NAV2: variants seen among roughly 807,000 people sequenced by gnomAD.
NAV2 encodes neuron navigator 2.
NAV2 carries 54 observed loss-of-function variants against 223.2 expected under a neutral mutation model. That is an observed-to-expected ratio of 0.24 (90% CI 0.19 to 0.30). The LOEUF is 0.30. Ranked by LOEUF, NAV2 falls within the 10% of genes least tolerant of loss-of-function variation. NAV2 has a pLI of 1.00. For missense variants in NAV2, 2,806 were observed against 3,147.5 expected, an observed-to-expected ratio of 0.89 and a Z score of 2.60; for synonymous variants, 1,279 against 1,239.3, an observed-to-expected ratio of 1.03 and a Z score of -0.67.
At chr11:19,588,476 T>C (rs1190646405) in intron 1 of NAV2, among the ~76,000 whole-genome samples, 1 of 151,996 alleles carries the variant, frequency 6.6e-6, no homozygotes, top group African/African-American at 2.4e-5. Flanking sequence ...AAGCATGCTG[T>C]GATTGATTAG....
Position 20,062,344 on chromosome 11 carries a change from G to T in NAV2, c.4869G>T (p.Ser1623=). 6.2e-7 allele frequency: 1 copy of T among 1,610,780 alleles called. No individual in the cohort carries two copies. The change falls in exon 20 of 38, where the codon TCG becomes TCT. Residue 1623 remains serine, a synonymous_variant. Transcript: ENST00000349880. ...CACTCTCCTTGGTTTCCAGCACATC[G>T]TCAGTTTATTCTACAGTGAGTATAA... is the stretch of plus-strand genomic sequence containing the variant. ...GSSLSLVSST[S]SVYSTPEEKC...
intron 1 of NAV2, among the ~76,000 whole-genome samples, chr11:19,532,786 G>A (rs1310479820): frequency 1.3e-5 from 2 of 152,184 alleles, no homozygotes; most frequent in African/African-American, 2.4e-5. Context: ...CTTATGACAC[G>A]AGGCAACTTC....
intron 1 of NAV2, among the ~76,000 whole-genome samples, chr11:19,452,279 T>C (rs530514882): frequency 7.7e-4 from 118 of 152,322 alleles, no homozygotes; most frequent in African/African-American, 2.7e-3. Context: ...CAAATAGTTA[T>C]GGAAGAACTG....
intron 1 of NAV2, among the ~76,000 whole-genome samples, chr11:19,479,617 T>A (rs1416606667): frequency 6.6e-6 from 1 of 152,204 alleles, no homozygotes; most frequent in Non-Finnish European, 1.5e-5. Context: ...CCTGCCTCTA[T>A]GTTAGTTGGC....
intron 34 of NAV2, chr11:20,105,304 T>G (rs59482207): frequency 0.025 from 10,771 of 432,352 alleles, 254 homozygotes; most frequent in African/African-American, 0.074. Flanking sequence ...CCTCAGCATT[T>G]CTGTCCGTAA....
At chr11:19,838,094 A>G (rs191838853) in intron 2 of NAV2, among the ~76,000 whole-genome samples, 2 of 152,322 alleles carry the variant, frequency 1.3e-5, no homozygotes, top group East Asian at 3.9e-4. Flanking sequence ...GGAATTCTCT[A>G]TACTATTCCT....
At chr11:19,758,117 T>C (rs1286220129) in intron 1 of NAV2, among the ~76,000 whole-genome samples, 1 of 152,204 alleles carries the variant, frequency 6.6e-6, no homozygotes, top group African/African-American at 2.4e-5. Flanking sequence ...AGATGAGGAA[T>C]GTTGAGAATA....
chr11:20,086,764 G>C (rs1256144017), intron 26 of NAV2, among the ~76,000 whole-genome samples: 1 of 152,164 alleles, frequency 6.6e-6, no homozygotes. Context: ...GAGTGCAAGG[G>C]AAAGAGGAGA....
chr11:19,703,569 G>C (rs555695699), intron 1 of NAV2, among the ~76,000 whole-genome samples: 2 of 152,344 alleles, frequency 1.3e-5, no homozygotes, highest in South Asian at 4.1e-4. Context: ...GCATTGGGGG[G>C]ATTACCTGGC....
At chr11:19,448,816 A>G (rs1226977238) in intron 1 of NAV2, among the ~76,000 whole-genome samples, 1 of 152,170 alleles carries the variant, frequency 6.6e-6, no homozygotes, top group Non-Finnish European at 1.5e-5. Context: ...TCACGTAGTG[A>G]TTAGTTTGAT....
intron 1 of NAV2, among the ~76,000 whole-genome samples, chr11:19,355,953 G>T (rs943507562): frequency 6.6e-6 from 1 of 152,208 alleles, no homozygotes. Context: ...GACATGTTAG[G>T]TGAGGATGAG....
intron 1 of NAV2, among the ~76,000 whole-genome samples, chr11:19,436,549 C>T (rs1851222871): frequency 6.6e-6 from 1 of 151,830 alleles, no homozygotes; most frequent in Non-Finnish European, 1.5e-5. Context: ...GTCAATATTG[C>T]TTTGGCTATT....
rs564342614 is a variant in NAV2, at chr11:19,947,278, G to A, written c.2255+769G>A. On this transcript the variant is annotated intron_variant, in intron 9 of 37. Coordinates refer to ENST00000349880, the MANE Select transcript of NAV2 (RefSeq NM_145117.5). The stretch of plus-strand genomic sequence containing the variant: ...TGTGGGTTCCATCTCCAATAGGACC[G>A]AGGCCCAAAACAAGGGGTCCAATCT... 1.2e-4 allele frequency among the ~76,000 whole-genome samples: 18 copies of A among 152,300 alleles called. No individual in the cohort carries two copies. In the South Asian group the frequency reaches 3.3e-3, roughly 28 times the overall value.
intron 1 of NAV2, among the ~76,000 whole-genome samples, chr11:19,774,468 C>T (rs372284044): frequency 6.6e-6 from 1 of 152,348 alleles, no homozygotes; most frequent in East Asian, 1.9e-4. Flanking sequence ...TGAGCTACCG[C>T]GCTCAGCCAG....
intron 1 of NAV2, among the ~76,000 whole-genome samples, chr11:19,361,982 T>C (rs1853979038): frequency 6.6e-6 from 1 of 151,922 alleles, no homozygotes; most frequent in African/African-American, 2.4e-5. Flanking sequence ...ATTAGGGGGA[T>C]AAGGTAGAGG....
intron 1 of NAV2, among the ~76,000 whole-genome samples, chr11:19,369,051 C>G (rs555702757): frequency 6.6e-6 from 1 of 152,308 alleles, no homozygotes; most frequent in South Asian, 2.1e-4. Flanking sequence ...GCTGGAGAAG[C>G]AAGCAGATTG....
intron 11 of NAV2, among the ~76,000 whole-genome samples, chr11:20,019,745 G>A (rs2054329527): frequency 6.6e-6 from 1 of 152,006 alleles, no homozygotes; most frequent in African/African-American, 2.4e-5. Context: ...TGGAAACCCG[G>A]GATGAGGCCC....
chr11:20,046,790 T>C (rs1487027815), intron 14 of NAV2, among the ~76,000 whole-genome samples: 1 of 152,240 alleles, frequency 6.6e-6, no homozygotes, highest in East Asian at 1.9e-4. Context: ...TGCCTGTTCG[T>C]ATTATCTTAT....
Position 19,837,668 on chromosome 11 carries a change from A to G in NAV2, c.385+5067A>G, listed in dbSNP as rs970895057. 9.9e-5 allele frequency among the ~76,000 whole-genome samples: 15 copies of G among 152,270 alleles called. No homozygotes were observed. In the East Asian group the frequency reaches 2.5e-3, roughly 25 times the overall value. On this transcript the variant is annotated intron_variant, in intron 2 of 37. Transcript: ENST00000349880. ...CTCAGACAAACCCAAATTGTGGAAC[A>G]TTCTATTAAAAAAAAAAACTGGGCT...
Sources: allele counts gnomAD v4.1 joint callset (sites outside exome capture counted in the v4.1 genomes callset), GRCh38; gene constraint gnomAD v4.1.1; transcripts MANE v1.5; gene names NCBI Gene and HGNC (gene_info 2026-07-23, HGNC 2026-07-21).